Variants in MAP2K5 observed in about 807,000 individuals in gnomAD.
The protein encoded by MAP2K5 is dual specificity mitogen-activated protein kinase kinase 5.
Under a neutral mutation model 83.1 loss-of-function variants are expected in MAP2K5, and 49 were observed. The observed-to-expected ratio is 0.59, with a 90% CI of 0.47 to 0.75. MAP2K5 has a LOEUF of 0.75. Among genes scored for constraint, MAP2K5 ranks in the 30% least tolerant of loss-of-function variants. The pLI is 0.00. For missense variants in MAP2K5, 457 were observed against 557.5 expected (o/e 0.82, Z 1.82); for synonymous variants, 202 against 191.8 (o/e 1.05, Z -0.44).
At position 67,748,437 on chromosome 15, in the gene MAP2K5, G is replaced by A. The variant is rs28730809; in HGVS notation, c.1102-132G>A. ...ATAATAGAACCTCCTGAGCATCAAT[G>A]TTTTTATAAGAGTTTGCTGTTGTTG... On this transcript the variant is annotated intron_variant, in intron 18 of 21. Transcript: ENST00000178640. The surrounding 1 kb of genome is among the most constrained non-coding windows in gnomAD (Gnocchi z 4.0). 65,623 of 863,578 alleles carry A rather than the reference G, an allele frequency of 0.076. 2,957 individuals are homozygous for A. Among genetic ancestry groups the A allele is most frequent in the Non-Finnish European group, 0.089 (48,465 of 543,302 alleles). The allele number at this position is 863,578 out of a possible 1,614,324, so 53.5% of individuals were successfully genotyped here. A position where few individuals can be genotyped will look rare whatever the true frequency, so the allele number is the denominator to read the frequency against.
intron 17 of MAP2K5, among the ~76,000 whole-genome samples, chr15:67,732,576 G>A (rs949241635): frequency 2.6e-5 from 4 of 152,190 alleles, no homozygotes; most frequent in Admixed American, 2.6e-4. Context: ...AAAAATCTGA[G>A]CAAATAGTGC....
At chr15:67,614,772 G>A (rs4600428) in intron 8 of MAP2K5, among the ~76,000 whole-genome samples, 126,298 of 152,114 alleles carry the variant, frequency 0.83, 53,354 homozygotes, top group Middle Eastern at 0.93. Context: ...AGGTATGGGA[G>A]TAAAAAGGGG....
chr15:67,743,224 CCAGT>C (rs1230504538), intron 17 of MAP2K5, among the ~76,000 whole-genome samples: 1 of 152,184 alleles, frequency 6.6e-6, no homozygotes, highest in Non-Finnish European at 1.5e-5. Flanking sequence ...AGAGAAGGTG[CCAGT>C]GAGTAGATCT....
intron 19 of MAP2K5, among the ~76,000 whole-genome samples, chr15:67,754,505 C>T (rs1363547574): frequency 2.6e-5 from 4 of 152,146 alleles, no homozygotes; most frequent in African/African-American, 9.7e-5. Context: ...AATCCCTGTG[C>T]TGGATGACTT....
chr15:67,658,062 G>T (rs1355267091), intron 11 of MAP2K5, among the ~76,000 whole-genome samples: 2 of 151,894 alleles, frequency 1.3e-5, no homozygotes, highest in African/African-American at 2.4e-5. Flanking sequence ...TTAAAGAAAG[G>T]TTATTACATA....
At chr15:67,675,055 A>G (rs1178353953) in intron 13 of MAP2K5, among the ~76,000 whole-genome samples, 1 of 152,228 alleles carries the variant, frequency 6.6e-6, no homozygotes, top group African/African-American at 2.4e-5. Flanking sequence ...AAAGAAAGCT[A>G]GACATGCCAC....
intron 8 of MAP2K5, among the ~76,000 whole-genome samples, chr15:67,619,411 G>A (rs1187627738): frequency 2.0e-5 from 3 of 152,140 alleles, no homozygotes; most frequent in Non-Finnish European, 4.4e-5. Context: ...GTTCTCTGCT[G>A]TATCCACACT....
At chr15:67,696,372 A>G (rs924872465) in intron 15 of MAP2K5, among the ~76,000 whole-genome samples, 1 of 152,178 alleles carries the variant, frequency 6.6e-6, no homozygotes, top group Admixed American at 6.5e-5. Flanking sequence ...CTTTAGCACT[A>G]CAGTGGCAGA....
intron 1 of MAP2K5, among the ~76,000 whole-genome samples, chr15:67,549,437 G>A (rs1267791931): frequency 6.6e-6 from 1 of 152,152 alleles, no homozygotes; most frequent in Non-Finnish European, 1.5e-5. Flanking sequence ...GGTTTATATC[G>A]TCATGGAAAC....
At chr15:67,631,647 G>A (rs1353613402) in intron 9 of MAP2K5, among the ~76,000 whole-genome samples, 1 of 152,140 alleles carries the variant, frequency 6.6e-6, no homozygotes, top group Non-Finnish European at 1.5e-5. Flanking sequence ...TACCTAGGAT[G>A]CTCCTCACTT....
Position 67,562,659 on chromosome 15 carries a change from A to G in MAP2K5, c.185-624A>G, listed in dbSNP as rs549089355. ...CTGTTCGGAAAAAGAGCTGCTAAAT[A>G]GAATGGGGGAGACCTGTATTAGAGC... On this transcript the variant is annotated intron_variant, in intron 2 of 21. Coordinates refer to ENST00000178640, the MANE Select transcript of MAP2K5 (RefSeq NM_145160.3). This position sits in a 1 kb window ranked among gnomAD's most constrained non-coding sequence, Gnocchi z 4.1. Among the ~76,000 whole-genome samples the G allele has an allele frequency of 3.3e-5, 5 of 152,342 alleles. No homozygotes were observed. The South Asian group carries it at 1.0e-3, about 32-fold the overall frequency.
At chr15:67,579,066 C>CTGT (rs2085124053) in intron 3 of MAP2K5, among the ~76,000 whole-genome samples, 1 of 152,208 alleles carries the variant, frequency 6.6e-6, no homozygotes. Context: ...ACCACCACTG[C>CTGT]TGTTGTCTTG....
intron 1 of MAP2K5, among the ~76,000 whole-genome samples, chr15:67,548,711 T>C (rs963693063): frequency 6.6e-6 from 1 of 152,222 alleles, no homozygotes; most frequent in Non-Finnish European, 1.5e-5. Flanking sequence ...CTTTACAGTT[T>C]CCTGTCAATA....
intron 13 of MAP2K5, among the ~76,000 whole-genome samples, chr15:67,686,105 G>A (rs2087945731): frequency 6.6e-6 from 1 of 152,074 alleles, no homozygotes; most frequent in African/African-American, 2.4e-5. Flanking sequence ...AAGGAACAAA[G>A]GACAGATGGG....
At chr15:67,623,598 CTT>C (rs369601076) in intron 8 of MAP2K5, among the ~76,000 whole-genome samples, 3 of 142,194 alleles carry the variant, frequency 2.1e-5, no homozygotes, top group Admixed American at 7.1e-5. Context: ...TACTATCTTC[CTT>C]TTTTTTTTTT....
rs147069934 is a variant in MAP2K5, at chr15:67,543,296, G to T, written c.-40G>T. ...GCCCCCTCCTAACCAGCGGCCAGTG[G>T]GTTTCCCATACCCCAGGATGTGAGC... On this transcript the variant is annotated 5_prime_UTR_variant, in exon 1 of 22. Transcript: ENST00000178640. The surrounding 1 kb of genome is among the most constrained non-coding windows in gnomAD (Gnocchi z 4.3). The T allele has an allele frequency of 2.5e-6, 4 of 1,613,284 alleles. No homozygotes were observed. The highest frequency in any genetic ancestry group is 1.1e-5 in the South Asian group (1 of 90,996).
chr15:67,660,282 G>GT (rs149974133), intron 12 of MAP2K5, among the ~76,000 whole-genome samples: 25,154 of 150,456 alleles, frequency 0.17, 2,132 homozygotes, highest in East Asian at 0.23. Context: ...CCAAAATGTA[G>GT]TGTTTTTTTT....
At chr15:67,621,981 C>T (rs1448430960) in intron 8 of MAP2K5, among the ~76,000 whole-genome samples, 8 of 151,774 alleles carry the variant, frequency 5.3e-5, no homozygotes, top group East Asian at 1.9e-4. Flanking sequence ...ATCAGGAGTT[C>T]GAGATCAGCC....
chr15:67,721,188 T>A (rs1363239034), intron 16 of MAP2K5, among the ~76,000 whole-genome samples: 1 of 152,202 alleles, frequency 6.6e-6, no homozygotes, highest in Non-Finnish European at 1.5e-5. Context: ...TGCAGGTTTG[T>A]TAAGAAGTAT....
Sources: gnomAD v4.1 joint callset for allele counts (sites outside exome capture counted in the v4.1 genomes callset) on GRCh38, gnomAD v4.1.1 for gene constraint, Gnocchi (gnomAD v3.1) non-coding constraint, MANE v1.5 for transcripts, NCBI Gene and HGNC (gene_info 2026-07-23, HGNC 2026-07-21) for gene names.